The following NTNG2 variants were observed in gnomAD, a reference collection of about 807,000 sequenced individuals.
NTNG2 encodes the protein netrin G2, also known as netrin-G2.
Under a neutral mutation model 47.6 loss-of-function variants are expected in NTNG2, and 15 were observed. The ratio of observed to expected loss-of-function variants is 0.32; its 90% CI spans 0.21 to 0.49. NTNG2 has a LOEUF of 0.49. NTNG2 is among the 20% of genes least tolerant of loss of function. The pLI, the probability that NTNG2 is intolerant of heterozygous loss-of-function variation, is 0.99. For missense variants in NTNG2, 578 were observed against 764.6 expected, an observed-to-expected ratio of 0.76 and a Z score of 2.88; for synonymous variants, 307 against 324.6, an observed-to-expected ratio of 0.95 and a Z score of 0.58.
intron 7 of NTNG2, among the ~76,000 whole-genome samples, chr9:132,241,287 T>G (rs1362097714): frequency 7.1e-6 from 1 of 140,664 alleles, no homozygotes; most frequent in Non-Finnish European, 1.5e-5. Context: ...AGGGTTGGGA[T>G]AGTTGGCAGG....
chr9:132,181,945 G>A (rs1435695373), intron 2 of NTNG2, among the ~76,000 whole-genome samples: 5 of 152,180 alleles, frequency 3.3e-5, no homozygotes, highest in African/African-American at 4.8e-5. Context: ...CCTGATAGAC[G>A]GAGGCGGCTG....
intron 4 of NTNG2, among the ~76,000 whole-genome samples, chr9:132,230,228 T>C (rs546658231): frequency 1.3e-5 from 2 of 152,256 alleles, no homozygotes; most frequent in Admixed American, 6.5e-5. Flanking sequence ...AAATCTGAAA[T>C]AAGAGGAGGA....
chr9:132,202,664 G>A (rs1293687398), intron 3 of NTNG2, among the ~76,000 whole-genome samples: 1 of 152,212 alleles, frequency 6.6e-6, no homozygotes, highest in Non-Finnish European at 1.5e-5. Context: ...ATGGTGCTTG[G>A]AGCGGGAGGG....
intron 2 of NTNG2, among the ~76,000 whole-genome samples, chr9:132,193,514 G>T (rs1838050944): frequency 6.6e-6 from 1 of 152,174 alleles, no homozygotes; most frequent in Non-Finnish European, 1.5e-5. Context: ...GGACGAAGTG[G>T]CCTGGGAAAT....
chr9:132,200,756 G>T (rs949661583), intron 3 of NTNG2, among the ~76,000 whole-genome samples: 1 of 152,204 alleles, frequency 6.6e-6, no homozygotes, highest in African/African-American at 2.4e-5. Flanking sequence ...ACAGGGGCCC[G>T]TGGTTCTGAC....
At chr9:132,237,020 G>A (rs1017602063) in intron 5 of NTNG2, among the ~76,000 whole-genome samples, 1 of 152,188 alleles carries the variant, frequency 6.6e-6, no homozygotes, top group Non-Finnish European at 1.5e-5. Flanking sequence ...AGCAAGAGAC[G>A]GGCGTGGTGT....
chr9:132,177,143 C>T (rs1439494681), intron 2 of NTNG2, among the ~76,000 whole-genome samples: 3 of 152,186 alleles, frequency 2.0e-5, no homozygotes, highest in South Asian at 2.1e-4. Flanking sequence ...CACACCACCA[C>T]ACCCACCTAA....
Position 132,197,108 on chromosome 9 carries a change from G to A in NTNG2, c.214-858G>A, listed in dbSNP as rs908749242. Among the ~76,000 whole-genome samples the A allele has an allele frequency of 6.6e-6, 1 of 152,178 alleles. No individual in the cohort carries two copies. The highest frequency in any genetic ancestry group is 2.4e-5 in the African/African-American group (1 of 41,442). On this transcript the variant is annotated intron_variant, in intron 2 of 7. Transcript: ENST00000393229. This position sits in a 1 kb window ranked among gnomAD's most constrained non-coding sequence, Gnocchi z 4.3. Reference sequence around the variant, plus strand: ...AAGGGTACAGGTAAAAAGGCTCAGGGGCCGGGCGCAGTGGCTCACGTCTGC... The same window carrying A: ...AAGGGTACAGGTAAAAAGGCTCAGGAGCCGGGCGCAGTGGCTCACGTCTGC...
Position 132,166,969 on chromosome 9 carries a change from G to A in NTNG2, c.138G>A (p.Leu46=). 6.2e-7 allele frequency: 1 copy of A among 1,614,266 alleles called. No homozygotes were observed. Among genetic ancestry groups the A allele is most frequent in the Non-Finnish European group, 8.5e-7 (1 of 1,180,044 alleles). ...FYACQPKVMR[L]KDYVKVKVEP... ...CCTGCCAGCCCAAGGTGATGCGCCT[G>A]AAGGACTACGTCAAGGTGAAGGTGG... Residue 46 remains leucine, a synonymous_variant, in exon 2 of 8, where the codon CTG becomes CTA. Transcript: ENST00000393229.
intron 3 of NTNG2, among the ~76,000 whole-genome samples, chr9:132,206,783 C>A (rs948336530): frequency 6.6e-6 from 1 of 152,280 alleles, no homozygotes; most frequent in African/African-American, 2.4e-5. Context: ...CCCAGGCCCC[C>A]TGAGCTACTG....
chr9:132,185,474 A>C (rs1837292369), intron 2 of NTNG2, among the ~76,000 whole-genome samples: 1 of 152,146 alleles, frequency 6.6e-6, no homozygotes, highest in Non-Finnish European at 1.5e-5. Context: ...TCATGGCGGC[A>C]GAGTGGGCCC....
In NTNG2 at chr9:132,239,152, T is replaced by C; in HGVS notation, c.1103T>C (p.Leu368Pro). 6.2e-7 allele frequency: 1 copy of C among 1,613,958 alleles called. No homozygotes were observed. The highest frequency in any genetic ancestry group is 8.5e-7 in the Non-Finnish European group (1 of 1,179,986). The change falls in exon 6 of 8, where the codon CTG becomes CCG. Residue 368 changes from leucine (L) to proline (P), a missense_variant. By Grantham distance (98) the Leu-to-Pro change is moderately conservative. Coordinates refer to ENST00000393229, the MANE Select transcript of NTNG2 (RefSeq NM_032536.4). ...AACCGCTGCAGCTACATTGACTTCC[T>C]GAATGTGGTGACCTGCGTCAGCTGC... ...HSNRCSYIDFLNVVTCVSCKH... is the reference protein window; with the variant it reads ...HSNRCSYIDFPNVVTCVSCKH...
rs1227530196 is a variant in NTNG2 at position 132,215,687 on chromosome 9, AGGTTGATTAT to A, written c.858-11161_858-11152del. On this transcript the variant is annotated intron_variant, in intron 3 of 7. Coordinates refer to ENST00000393229, the MANE Select transcript of NTNG2 (RefSeq NM_032536.4). This position sits in a 1 kb window ranked among gnomAD's most constrained non-coding sequence, Gnocchi z 4.2. The stretch of plus-strand genomic sequence containing the variant: ...GGGGCGCCCCAGGGGCCTGGAGAAT[AGGTTGATTAT>A]CTCTATTTTGGGGAGCTGCAGGCTC... 1.3e-5 allele frequency among the ~76,000 whole-genome samples: 2 copies of A among 152,074 alleles called. No individual in the cohort carries two copies. The highest frequency in any genetic ancestry group is 1.3e-4 in the Admixed American group (2 of 15,276).
Position 132,226,813 on chromosome 9 carries a change from C to T in NTNG2, c.858-36C>T. 6.5e-7 allele frequency: 1 copy of T among 1,532,266 alleles called. No individual in the cohort carries two copies. Among genetic ancestry groups the T allele is most frequent in the South Asian group, 1.2e-5 (1 of 81,512 alleles). The allele number at this position is 1,532,266 out of a possible 1,614,324, so 94.9% of individuals were successfully genotyped here. On this transcript the variant is annotated intron_variant, in intron 3 of 7. Coordinates refer to ENST00000393229, the MANE Select transcript of NTNG2 (RefSeq NM_032536.4). This position sits in a 1 kb window ranked among gnomAD's most constrained non-coding sequence, Gnocchi z 4.8. ...GAGGCCAGGCCAGGCTGCCCACAAG[C>T]TCTCTGACATCTCTGCCCTCTCGGT...
intron 2 of NTNG2, among the ~76,000 whole-genome samples, chr9:132,184,099 C>T (rs149711678): frequency 6.6e-6 from 1 of 152,344 alleles, no homozygotes; most frequent in Non-Finnish European, 1.5e-5. Flanking sequence ...CCCCCAACGA[C>T]GAGCCAGGGT....
chr9:132,185,980 AAGG>A (rs1837351673), intron 2 of NTNG2, among the ~76,000 whole-genome samples: 2 of 152,052 alleles, frequency 1.3e-5, no homozygotes, highest in African/African-American at 4.8e-5. Flanking sequence ...TGGTGTGGGG[AAGG>A]AGGAGGGCTT....
Position 132,197,088 on chromosome 9 carries a change from T to A in NTNG2, c.214-878T>A, listed in dbSNP as rs983474236. ...TCAATGTGTTCACCAATCCTAAGGG[T>A]ACAGGTAAAAAGGCTCAGGGGCCGG... On this transcript the variant is annotated intron_variant, in intron 2 of 7. Transcript: ENST00000393229. This position sits in a 1 kb window ranked among gnomAD's most constrained non-coding sequence, Gnocchi z 4.3. 1.3e-5 allele frequency among the ~76,000 whole-genome samples: 2 copies of A among 151,968 alleles called. No homozygotes were observed. The highest frequency in any genetic ancestry group is 6.6e-5 in the Admixed American group (1 of 15,246).
At chr9:132,207,777 C>A (rs540238929) in intron 3 of NTNG2, among the ~76,000 whole-genome samples, 6 of 152,224 alleles carry the variant, frequency 3.9e-5, no homozygotes, top group Admixed American at 3.9e-4. Context: ...AAACCCAGTA[C>A]CCCCAAGTGC....
chr9:132,192,570 C>T (rs1837978215), intron 2 of NTNG2, among the ~76,000 whole-genome samples: 1 of 152,032 alleles, frequency 6.6e-6, no homozygotes, highest in Non-Finnish European at 1.5e-5. Context: ...CAGCCTGGGC[C>T]ATGGAGCAAG....
Sources: allele counts gnomAD v4.1 joint callset (sites outside exome capture counted in the v4.1 genomes callset), GRCh38; gene constraint gnomAD v4.1.1; non-coding constraint Gnocchi (gnomAD v3.1); transcripts MANE v1.5; gene names NCBI Gene and HGNC (gene_info 2026-07-23, HGNC 2026-07-21).